The following CTNNA3 variants were observed in gnomAD, a reference collection of about 807,000 sequenced individuals.
CTNNA3 encodes catenin alpha 3.
A neutral mutation model predicts 95.7 loss-of-function variants in CTNNA3; 76 were observed. The ratio of observed to expected loss-of-function variants is 0.79; its 90% CI spans 0.66 to 0.96. The LOEUF (loss-of-function observed/expected upper bound fraction) is 0.96. CTNNA3 is among the 40% of genes least tolerant of loss of function. The pLI is 0.00. For missense variants in CTNNA3, 1,191 were observed against 1,089.8 expected, an observed-to-expected ratio of 1.09 and a Z score of -1.31; for synonymous variants, 431 against 374.4, an observed-to-expected ratio of 1.15 and a Z score of -1.74.
At chr10:66,780,343 G>A (rs1386780509) in intron 7 of CTNNA3, among the ~76,000 whole-genome samples, 1 of 152,116 alleles carries the variant, frequency 6.6e-6, no homozygotes. Context: ...GAGATGAACA[G>A]TGTTGAAACT....
chr10:67,175,388 CTT>C (rs2132123206), intron 7 of CTNNA3, among the ~76,000 whole-genome samples: 1 of 152,252 alleles, frequency 6.6e-6, no homozygotes, highest in African/African-American at 2.4e-5. Context: ...CATAACATCT[CTT>C]TTCGTGTAGG....
intron 1 of CTNNA3, among the ~76,000 whole-genome samples, chr10:67,708,971 A>G (rs917990734): frequency 6.6e-6 from 1 of 151,420 alleles, no homozygotes; most frequent in Admixed American, 6.6e-5. Flanking sequence ...TATATTTTAT[A>G]TATATCTTAT....
intron 12 of CTNNA3, among the ~76,000 whole-genome samples, chr10:66,360,676 TTCCTTCCTTCCTTCCTTTTC>T (rs1294011246): frequency 5.2e-5 from 5 of 95,788 alleles, no homozygotes; most frequent in South Asian, 3.3e-4. Flanking sequence ...CCTTCCTTCC[TTCCTTCCTTCCTTCCTTTTC>T]TTTCTTTCTT....
At chr10:66,830,742 T>C (rs1842688107) in intron 7 of CTNNA3, among the ~76,000 whole-genome samples, 1 of 152,236 alleles carries the variant, frequency 6.6e-6, no homozygotes, top group African/African-American at 2.4e-5. Flanking sequence ...CCCGAGTAGC[T>C]GGGACTACAG....
intron 7 of CTNNA3, among the ~76,000 whole-genome samples, chr10:67,014,455 TG>T (rs1338582809): frequency 1.3e-5 from 2 of 152,186 alleles, no homozygotes; most frequent in Non-Finnish European, 2.9e-5. Flanking sequence ...AGGTGGTGCC[TG>T]TTTGTAACAT....
chr10:67,038,139 G>A (rs1158564736), intron 7 of CTNNA3, among the ~76,000 whole-genome samples: 1 of 152,010 alleles, frequency 6.6e-6, no homozygotes, highest in African/African-American at 2.4e-5. Context: ...AAGCATTTCA[G>A]AGCAAGTTAT....
intron 1 of CTNNA3, among the ~76,000 whole-genome samples, chr10:67,722,007 GA>G (rs1292101081): frequency 6.6e-6 from 1 of 152,044 alleles, no homozygotes; most frequent in African/African-American, 2.4e-5. Flanking sequence ...TGGAAATGCA[GA>G]AATCACCCAC....
intron 11 of CTNNA3, among the ~76,000 whole-genome samples, chr10:66,434,159 GT>G (rs144532488): frequency 0.38 from 58,050 of 151,862 alleles, 11,658 homozygotes; most frequent in African/African-American, 0.5. Context: ...CTTTAAAGTA[GT>G]TTTTTTCTAA....
chr10:66,096,943 A>G (rs2081416731), intron 14 of CTNNA3, among the ~76,000 whole-genome samples: 1 of 152,228 alleles, frequency 6.6e-6, no homozygotes, highest in Admixed American at 6.5e-5. Flanking sequence ...CCCAGTGCAG[A>G]GCCAGGCATT....
chr10:67,636,005 C>T (rs1204518310), intron 2 of CTNNA3, among the ~76,000 whole-genome samples: 1 of 152,138 alleles, frequency 6.6e-6, no homozygotes, highest in Non-Finnish European at 1.5e-5. Context: ...AAATTGCTAG[C>T]ATTCCTATAC....
rs373091370 is a variant in CTNNA3, at chr10:67,379,828, C to A, written c.579+142014G>T. 0.018 allele frequency among the ~76,000 whole-genome samples: 2,690 copies of A among 151,650 alleles called. 196 individuals are homozygous for A. The East Asian group carries it at 0.23, about 13-fold the overall frequency. Reference sequence around the variant, plus strand: ...CGAGGTCAGGAGATCGAGAGCATCCCGGCTAAAACGGTGAAACCCCGTCTC... The same window carrying A: ...CGAGGTCAGGAGATCGAGAGCATCCAGGCTAAAACGGTGAAACCCCGTCTC... On this transcript the variant is annotated intron_variant, in intron 5 of 17. Coordinates refer to ENST00000433211, the MANE Select transcript of CTNNA3 (RefSeq NM_013266.4).
intron 7 of CTNNA3, among the ~76,000 whole-genome samples, chr10:66,872,386 T>C (rs2132443425): frequency 6.6e-6 from 1 of 152,264 alleles, no homozygotes; most frequent in Admixed American, 6.5e-5. Flanking sequence ...AAAATAATTT[T>C]CGCTGGGTTC....
chr10:65,921,331 A>C lies in CTNNA3; in HGVS notation c.2401-714T>G, dbSNP rs139319263. Among the ~76,000 whole-genome samples, 682 of 152,358 alleles carry C rather than the reference A, an allele frequency of 4.5e-3. 4 individuals carry two copies. The highest frequency in any genetic ancestry group is 0.014 in the African/African-American group (583 of 41,580). ...CTTTTCTCAAAAACACTAAATACCT[A>C]TAAATCCTTGACAACTATGTCAATT... On this transcript the variant is annotated intron_variant, in intron 17 of 17. Coordinates refer to ENST00000433211, the MANE Select transcript of CTNNA3 (RefSeq NM_013266.4).
chr10:66,908,675 T>C (rs1488160716), intron 7 of CTNNA3, among the ~76,000 whole-genome samples: 1 of 150,838 alleles, frequency 6.6e-6, no homozygotes, highest in Non-Finnish European at 1.5e-5. Flanking sequence ...TTAATCATTG[T>C]TTTTTTTTAA....
chr10:66,362,584 A>G (rs562025429), intron 12 of CTNNA3, among the ~76,000 whole-genome samples: 5 of 151,988 alleles, frequency 3.3e-5, no homozygotes, highest in African/African-American at 1.2e-4. Flanking sequence ...GTGGTGGTGT[A>G]TGCCAGTAGT....
At chr10:67,167,489 A>G (rs952848372) in intron 7 of CTNNA3, among the ~76,000 whole-genome samples, 10 of 152,212 alleles carry the variant, frequency 6.6e-5, no homozygotes, top group Non-Finnish European at 8.8e-5. Context: ...GAAGTCCTAG[A>G]ATGTTACTTC....
intron 5 of CTNNA3, among the ~76,000 whole-genome samples, chr10:67,234,585 C>G (rs1340454314): frequency 4.6e-5 from 7 of 151,922 alleles, no homozygotes; most frequent in Non-Finnish European, 5.9e-5. Flanking sequence ...TGGAAGCATT[C>G]CCTTTGAAAA....
chr10:67,430,820 T>TACACACACACACACAC (rs371146065), intron 5 of CTNNA3, among the ~76,000 whole-genome samples: 1,661 of 138,818 alleles, frequency 0.012, 22 homozygotes, highest in Middle Eastern at 0.019. Context: ...CAAACATAAC[T>TACACACACACACACAC]ACACACACAC....
At chr10:67,151,788 T>G (rs368949124) in intron 7 of CTNNA3, among the ~76,000 whole-genome samples, 1 of 152,126 alleles carries the variant, frequency 6.6e-6, no homozygotes, top group African/African-American at 2.4e-5. Context: ...AAATAAAACT[T>G]GGTGTTCGAA....
Sources: gnomAD v4.1 joint callset for allele counts (sites outside exome capture counted in the v4.1 genomes callset) on GRCh38, gnomAD v4.1.1 for gene constraint, MANE v1.5 for transcripts, NCBI Gene and HGNC (gene_info 2026-07-23, HGNC 2026-07-21) for gene names.